Variants in ZNF487 observed in about 807,000 individuals in gnomAD.
ZNF487 encodes the protein KRAB domain only 1.
In ZNF487, 4 loss-of-function variants were observed where a neutral mutation model predicts 3.0. That is an observed-to-expected ratio of 1.35 (90% confidence interval 0.66 to 3.08). The LOEUF is 3.08. Ranked by LOEUF, ZNF487 falls within the 30% of genes most tolerant of loss-of-function variation. The pLI, the probability that ZNF487 is intolerant of heterozygous loss-of-function variation, is 0.01. For synonymous variants in ZNF487, 55 were observed against 34.6 expected, an observed-to-expected ratio of 1.59 and a Z score of -2.06; for missense variants, 146 against 98.7, an observed-to-expected ratio of 1.48 and a Z score of -2.03.
the ZNF487 span, among the ~76,000 whole-genome samples, chr10:43,490,500 CTTTTT>C: frequency 2.6e-5 from 1 of 39,132 alleles, no homozygotes; most frequent in African/African-American, 9.4e-5. Flanking sequence ...AGTAGCTCTA[CTTTTT>C]TTTTTTTTTT....
the ZNF487 span, among the ~76,000 whole-genome samples, chr10:43,489,927 C>T: frequency 2.6e-5 from 4 of 152,114 alleles, no homozygotes; most frequent in Admixed American, 1.3e-4. Context: ...TCAGTATTCA[C>T]GTTACATACA....
At chr10:43,475,969 T>C (rs944350479) in intron 2 of ZNF487, 122 bp downstream of exon 2, 29 of 650,152 alleles carry the variant, frequency 4.5e-5, no homozygotes, top group Non-Finnish European at 5.7e-6. Flanking sequence ...GAAGCTTGAT[T>C]GATCCCTTCT....
In ZNF487 at chr10:43,477,241, G is replaced by A. The variant is rs1841133670; in HGVS notation, c.130+1039G>A. On this transcript the variant is annotated intron_variant, in intron 3 of 3. Coordinates refer to ENST00000437590, the MANE Select transcript of ZNF487 (RefSeq NM_001355444.3). ...TGAGACAGTCTCTCTCAGTCTCACAGGCTAGAGTGCAGTGGTGCAATCTTG... is the reference window on the plus strand; with the variant it reads ...TGAGACAGTCTCTCTCAGTCTCACAAGCTAGAGTGCAGTGGTGCAATCTTG... Among the ~76,000 whole-genome samples the A allele has an allele frequency of 2.0e-5, 3 of 148,968 alleles. No homozygotes were observed. In the South Asian group the frequency reaches 6.4e-4, roughly 32 times the overall value.
chr10:43,492,720 T>A, the ZNF487 span, among the ~76,000 whole-genome samples: 2 of 152,190 alleles, frequency 1.3e-5, no homozygotes, highest in African/African-American at 2.4e-5. Flanking sequence ...CCCAAAGTCA[T>A]GATTTTATTT....
chr10:43,484,060 G>T (rs140874386), downstream of ZNF487, among the ~76,000 whole-genome samples: 19 of 150,964 alleles, frequency 1.3e-4, 1 homozygote, highest in Admixed American at 1.3e-3. Flanking sequence ...GTAGAGACAG[G>T]GTTTCGCCAT....
chr10:43,499,109 G>A, the ZNF487 span, among the ~76,000 whole-genome samples: 1 of 152,212 alleles, frequency 6.6e-6, no homozygotes, highest in Non-Finnish European at 1.5e-5. Flanking sequence ...GACACGTTAA[G>A]AAATATGCAT....
chr10:43,506,503 C>G, the ZNF487 span, among the ~76,000 whole-genome samples: 1 of 152,068 alleles, frequency 6.6e-6, no homozygotes, highest in Non-Finnish European at 1.5e-5. Context: ...GACCCCATCT[C>G]TAAAATAAAT....
chr10:43,487,661 A>G (rs1291511955), downstream of ZNF487, among the ~76,000 whole-genome samples: 2 of 151,094 alleles, frequency 1.3e-5, no homozygotes, highest in African/African-American at 2.4e-5. Context: ...TGTGTTAGCC[A>G]GGATGGTGTC....
downstream of ZNF487, among the ~76,000 whole-genome samples, chr10:43,487,419 G>A (rs1409434645): frequency 3.3e-5 from 5 of 151,138 alleles, no homozygotes; most frequent in Non-Finnish European, 4.4e-5. Context: ...GATTACAGGC[G>A]TGAGCCACCG....
At chr10:43,459,702 C>A (rs1248233543) in intron 1 of ZNF487, among the ~76,000 whole-genome samples, 5 of 151,958 alleles carry the variant, frequency 3.3e-5, no homozygotes, top group Non-Finnish European at 7.4e-5. Context: ...GTGCACAGCA[C>A]AATGCCTGGC....
chr10:43,469,952 A>C (rs77355434), intron 1 of ZNF487, among the ~76,000 whole-genome samples: 3 of 133,112 alleles, frequency 2.3e-5, no homozygotes, highest in African/African-American at 3.3e-5. Flanking sequence ...TCTGTCTTCC[A>C]AAAAAAAAAA....
At chr10:43,494,660 A>T in the ZNF487 span, among the ~76,000 whole-genome samples, 69,114 of 150,330 alleles carry the variant, frequency 0.46, 18,334 homozygotes, top group East Asian at 0.73. Context: ...AAATCAGTAC[A>T]CTTGAGGCTG....
At chr10:43,491,079 G>C in the ZNF487 span, among the ~76,000 whole-genome samples, 1 of 148,482 alleles carries the variant, frequency 6.7e-6, no homozygotes, top group Non-Finnish European at 1.5e-5. Flanking sequence ...CGATTCTCCT[G>C]CCTCAGCCTC....
chr10:43,457,557 GGAAAAA>G (rs1170691114), intron 1 of ZNF487, among the ~76,000 whole-genome samples: 5 of 103,346 alleles, frequency 4.8e-5, no homozygotes, highest in East Asian at 3.2e-4. Context: ...TCTGTCTTGG[GGAAAAA>G]AAAAAAAAAA....
At chr10:43,492,080 C>T in the ZNF487 span, among the ~76,000 whole-genome samples, 6 of 151,802 alleles carry the variant, frequency 4.0e-5, no homozygotes, top group East Asian at 9.7e-4. Flanking sequence ...ACCACACAGC[C>T]ACCACGCTGC....
the ZNF487 span, among the ~76,000 whole-genome samples, chr10:43,505,463 T>C: frequency 1.7e-4 from 26 of 151,232 alleles, no homozygotes; most frequent in Non-Finnish European, 2.7e-4. Context: ...TTTTGTATTT[T>C]TAGTAGAGAC....
the ZNF487 span, among the ~76,000 whole-genome samples, chr10:43,520,465 G>A: frequency 2.0e-5 from 3 of 152,174 alleles, no homozygotes; most frequent in African/African-American, 7.2e-5. Flanking sequence ...TGTGATGCAT[G>A]CAACTTACTA....
At chr10:43,469,115 G>C (rs531483559) in intron 1 of ZNF487, among the ~76,000 whole-genome samples, 6 of 151,662 alleles carry the variant, frequency 4.0e-5, no homozygotes, top group Non-Finnish European at 8.8e-5. Context: ...ACCACTAGCA[G>C]TCATCAACAT....
Position 43,482,719 on chromosome 10 carries a change from A to G in ZNF487, c.*797A>G. On this transcript the variant is annotated 3_prime_UTR_variant, in exon 4 of 4. Transcript: ENST00000437590. ...CAGAAGCCAAACTTCATTAATCATC[A>G]GTGAACTCACACAGGAGAGAGACCC... 4.3e-6 allele frequency: 2 copies of G among 465,928 alleles called. No individual in the cohort carries two copies. The highest frequency in any genetic ancestry group is 2.0e-5 in the African/African-American group (1 of 49,712). The allele number at this position is 465,928 out of a possible 1,614,324, so 28.9% of individuals were successfully genotyped here.
Sources: allele counts gnomAD v4.1 joint callset (sites outside exome capture counted in the v4.1 genomes callset), GRCh38; gene constraint gnomAD v4.1.1; transcripts MANE v1.5; gene names NCBI Gene and HGNC (gene_info 2026-07-23, HGNC 2026-07-21).